The following TNNT3 variants were observed in gnomAD, a reference collection of about 807,000 sequenced individuals.
TNNT3 encodes troponin T3, fast skeletal type.
In TNNT3, 36 loss-of-function variants were observed where a neutral mutation model predicts 54.2. That is an observed-to-expected ratio of 0.66 (90% CI 0.51 to 0.88). The LOEUF (loss-of-function observed/expected upper bound fraction) is 0.88, where lower values mean the gene tolerates loss of function less well. TNNT3 is among the 40% of genes least tolerant of loss of function. The pLI is 0.00. For missense variants in TNNT3, 291 were observed against 331.6 expected (o/e 0.88, Z 0.95); for synonymous variants, 120 against 109.7 (o/e 1.09, Z -0.59).
At chr11:1,936,856 C>T in intron 14 of TNNT3, 107 bp from the exon 15 acceptor site, 1 of 1,201,332 alleles carries the variant, frequency 8.3e-7, no homozygotes. Flanking sequence ...GCCCAGCAGC[C>T]CTGGGTCGCG....
At chr11:1,925,067 C>T in intron 4 of TNNT3, 32 bp from the exon 5 acceptor site, 1 of 1,611,970 alleles carries the variant, frequency 6.2e-7, no homozygotes, top group Non-Finnish European at 8.5e-7. Context: ...TCAACCCCGC[C>T]TTCTCCTGCT....
In TNNT3 at chr11:1,929,109, C is replaced by T; in HGVS notation, c.83-11C>T. 3 of 1,613,248 alleles carry T rather than the reference C, an allele frequency of 1.9e-6. No individual in the cohort carries two copies. Among genetic ancestry groups the T allele is most frequent in the East Asian group, 4.5e-5 (2 of 44,878 alleles). On this transcript the variant is annotated splice_polypyrimidine_tract_variant and intron_variant, in intron 6 of 15. Coordinates refer to ENST00000278317, the MANE Select transcript of TNNT3 (RefSeq NM_006757.4). ...CTTGCATGTGTGCTTGTGCCTTTTG[C>T]CACCTGGAAGACACCGCAGAGGAGG...
chr11:1,920,989 G>A (rs932931136), intron 1 of TNNT3, among the ~76,000 whole-genome samples: 1 of 152,162 alleles, frequency 6.6e-6, no homozygotes, highest in African/African-American at 2.4e-5. Context: ...GCACGTCGGG[G>A]GGCCTGGAGG....
intron 15 of TNNT3, among the ~76,000 whole-genome samples, chr11:1,937,429 A>C (rs1855454482): frequency 6.6e-6 from 1 of 152,146 alleles, no homozygotes; most frequent in Non-Finnish European, 1.5e-5. Context: ...TCAGGGCTTC[A>C]TCACCAGCCC....
At chr11:1,922,620 C>G (rs1032483245) in intron 1 of TNNT3, among the ~76,000 whole-genome samples, 3 of 152,148 alleles carry the variant, frequency 2.0e-5, no homozygotes, top group African/African-American at 7.2e-5. Context: ...CAGTCTGGAG[C>G]CAGGGCAGGA....
intron 8 of TNNT3, among the ~76,000 whole-genome samples, chr11:1,932,235 G>C (rs1853591448): frequency 1.3e-5 from 2 of 152,268 alleles, no homozygotes; most frequent in Admixed American, 1.3e-4. Flanking sequence ...AAGGCAGACG[G>C]TGGCGCTGGA....
rs545512483 is a variant in TNNT3 at position 1,933,613 on chromosome 11, G to T, written c.172-108G>T. The T allele has an allele frequency of 1.3e-5, 11 of 845,630 alleles. No homozygotes were observed. In the South Asian group the frequency reaches 1.5e-4, roughly 12 times the overall value. The allele number at this position is 845,630 out of a possible 1,614,324, so 52.4% of individuals were successfully genotyped here. A position where few individuals can be genotyped will look rare whatever the true frequency, so the allele number is the denominator to read the frequency against. ...ATTTTCATGGTGGCCAAGGGAGTCA[G>T]GGCTTCTCTGCTGGGGCAAAGGAAG... On this transcript the variant is annotated intron_variant, in intron 9 of 15. Coordinates refer to ENST00000278317, the MANE Select transcript of TNNT3 (RefSeq NM_006757.4).
At chr11:1,926,506 A>G (rs1851633132) in intron 5 of TNNT3, 189 bp from the exon 6 acceptor site, 1 of 1,613,138 alleles carries the variant, frequency 6.2e-7, no homozygotes, top group Non-Finnish European at 8.5e-7. Flanking sequence ...TCGATGCCAC[A>G]TGGGCACGTG....
intron 14 of TNNT3, chr11:1,935,340 CCA>C (rs969238453): frequency 7.8e-5 from 25 of 320,912 alleles, no homozygotes; most frequent in Non-Finnish European, 1.5e-4. Flanking sequence ...AGAGCCTCCT[CCA>C]CAAACCCAGA....
chr11:1,935,412 C>T, intron 14 of TNNT3: 1 of 257,748 alleles, frequency 3.9e-6, no homozygotes, highest in Non-Finnish European at 7.6e-6. Flanking sequence ...AGAGGGGTGA[C>T]ACACTGCACC....
At chr11:1,936,829 G>C in intron 14 of TNNT3, 134 bp from the exon 15 acceptor site, 1 of 872,598 alleles carries the variant, frequency 1.1e-6, no homozygotes, top group South Asian at 1.4e-5. Flanking sequence ...TAAGGGAGCC[G>C]AGGAGCCCTC....
At chr11:1,929,602 C>T (rs1852720757) in intron 7 of TNNT3, among the ~76,000 whole-genome samples, 3 of 152,270 alleles carry the variant, frequency 2.0e-5, no homozygotes, top group Admixed American at 2.0e-4. Flanking sequence ...AGCTCTTCCC[C>T]TCCAACCCTG....
chr11:1,933,950 G>A lies in TNNT3; in HGVS notation c.308G>A (p.Arg103Lys), dbSNP rs1266544021. 8 of 1,612,808 alleles carry A rather than the reference G, an allele frequency of 5.0e-6. No homozygotes were observed. The highest frequency in any genetic ancestry group is 6.8e-6 in the Non-Finnish European group (8 of 1,180,002). Reference sequence around the variant, plus strand: ...CTGCAGGAGAAGCGCCGTGCAGAGAGAGCGGAGCAGCAGAGGATTCGTGCA... The same window carrying A: ...CTGCAGGAGAAGCGCCGTGCAGAGAAAGCGGAGCAGCAGAGGATTCGTGCA... ...KERIEKRRAE[R>K]AEQQRIRAEK... The change falls in exon 11 of 16, where the codon AGA (arginine) becomes AAA (lysine). Residue 103 changes from arginine (R) to lysine (K), a missense_variant. By Grantham distance (26) the Arg-to-Lys change is conservative. Coordinates refer to ENST00000278317, the MANE Select transcript of TNNT3 (RefSeq NM_006757.4).
At chr11:1,921,743 C>T (rs57927529) in intron 1 of TNNT3, 24,716 of 152,196 alleles carry the variant, frequency 0.16, 2,317 homozygotes, top group Middle Eastern at 0.27. Context: ...CGTGTGTTTT[C>T]CTTATACAAC....
chr11:1,925,243 C>T lies in TNNT3; in HGVS notation c.67+127C>T, dbSNP rs201697627. ...CTGTCTAACCCTCTCCTCTCTCCCC[C>T]GGCTCTCCTCAGCTGCAGAAGTCCA... On this transcript the variant is annotated intron_variant, in intron 5 of 15. Transcript: ENST00000278317. 335 of 1,607,534 alleles carry T rather than the reference C, an allele frequency of 2.1e-4. No homozygotes were observed. The East Asian group carries it at 5.7e-3, about 27-fold the overall frequency.
chr11:1,926,873 C>G (rs1851766249), intron 6 of TNNT3, among the ~76,000 whole-genome samples, 164 bp downstream of exon 6: 1 of 152,238 alleles, frequency 6.6e-6, no homozygotes, highest in African/African-American at 2.4e-5. Context: ...TTGGGAAGGG[C>G]TGGCCGGTAC....
chr11:1,936,158 C>G (rs759946801), intron 14 of TNNT3: 1 of 1,601,846 alleles, frequency 6.2e-7, no homozygotes, highest in East Asian at 2.2e-5. Context: ...AGCCCACAGC[C>G]GGGCCTCGAT....
chr11:1,924,784 C>A, intron 4 of TNNT3: 2 of 569,238 alleles, frequency 3.5e-6, no homozygotes, highest in Non-Finnish European at 6.3e-6. Flanking sequence ...CAAGGGCCCC[C>A]GTGCACAGGC....
At chr11:1,937,578 C>T (rs569245112) in intron 15 of TNNT3, among the ~76,000 whole-genome samples, 5 of 152,304 alleles carry the variant, frequency 3.3e-5, no homozygotes, top group African/African-American at 4.8e-5. Flanking sequence ...GTGCCCCCGG[C>T]GATGCCACGC....
Sources: gnomAD v4.1 joint callset for allele counts (sites outside exome capture counted in the v4.1 genomes callset) on GRCh38, gnomAD v4.1.1 for gene constraint, MANE v1.5 for transcripts, NCBI Gene and HGNC (gene_info 2026-07-23, HGNC 2026-07-21) for gene names.